AGTPBP1: variants seen among roughly 807,000 people sequenced by gnomAD.
AGTPBP1 encodes ATP/GTP binding carboxypeptidase 1.
In AGTPBP1, 70 loss-of-function variants were observed where a neutral mutation model predicts 143.9. The observed-to-expected ratio is 0.49, with a 90% CI of 0.40 to 0.59. The LOEUF is 0.59. AGTPBP1 is among the 20% of genes least tolerant of loss of function. AGTPBP1 has a pLI of 0.00. For missense variants in AGTPBP1, 1,229 were observed against 1,464.5 expected (o/e 0.84, Z 2.62); for synonymous variants, 463 against 500.2 (o/e 0.93, Z 0.99).
At chr9:85,561,583 C>T (rs538672614) in intron 25 of AGTPBP1, among the ~76,000 whole-genome samples, 1 of 151,730 alleles carries the variant, frequency 6.6e-6, no homozygotes, top group Admixed American at 6.6e-5. Flanking sequence ...TAGCAGTGTT[C>T]TTTGGGAAAA....
At chr9:85,634,894 A>G (rs1831935047) in intron 13 of AGTPBP1, among the ~76,000 whole-genome samples, 1 of 152,216 alleles carries the variant, frequency 6.6e-6, no homozygotes, top group East Asian at 1.9e-4. Context: ...CAGTAACTAT[A>G]CATAAGAGTA....
At chr9:85,774,051 T>C in the AGTPBP1 span, 3 of 1,523,482 alleles carry the variant, frequency 2.0e-6, no homozygotes, top group East Asian at 4.5e-5. Context: ...CTTCCCCTTT[T>C]GACAGTTATG....
At chr9:85,785,810 G>A in the AGTPBP1 span, 1 of 192,366 alleles carries the variant, frequency 5.2e-6, no homozygotes, top group Non-Finnish European at 1.1e-5. Flanking sequence ...GGCACCAGAG[G>A]TGCCCAAAGC....
At chr9:85,651,148 C>T (rs558265194) in intron 11 of AGTPBP1, among the ~76,000 whole-genome samples, 2 of 152,094 alleles carry the variant, frequency 1.3e-5, no homozygotes, top group Non-Finnish European at 2.9e-5. Context: ...CCTTGCTTAG[C>T]CTTTAGTGCT....
intron 3 of AGTPBP1, among the ~76,000 whole-genome samples, chr9:85,686,152 T>G (rs560178192): frequency 6.4e-4 from 97 of 151,332 alleles, no homozygotes; most frequent in African/African-American, 2.3e-3. Flanking sequence ...AATTAAACAC[T>G]CAGACTGTCA....
At chr9:85,776,005 C>G in the AGTPBP1 span, among the ~76,000 whole-genome samples, 4 of 152,178 alleles carry the variant, frequency 2.6e-5, no homozygotes, top group South Asian at 8.3e-4. Context: ...CCCTTGTCAA[C>G]TTGAACTCAT....
At chr9:85,702,553 C>G (rs183435304) in intron 2 of AGTPBP1, among the ~76,000 whole-genome samples, 13 of 151,040 alleles carry the variant, frequency 8.6e-5, no homozygotes, top group African/African-American at 3.2e-4. Context: ...ACAGAGGTAA[C>G]TACATCATCA....
At chr9:85,769,564 C>T in the AGTPBP1 span, among the ~76,000 whole-genome samples, 2 of 150,956 alleles carry the variant, frequency 1.3e-5, no homozygotes, top group African/African-American at 2.4e-5. Context: ...TGTAGGTTTT[C>T]CTACAGGGAT....
intron 9 of AGTPBP1, among the ~76,000 whole-genome samples, chr9:85,658,830 A>C (rs1017264740): frequency 6.6e-6 from 1 of 152,164 alleles, no homozygotes; most frequent in African/African-American, 2.4e-5. Context: ...AAGGCTTTAA[A>C]CCCAGTATTG....
intron 25 of AGTPBP1, among the ~76,000 whole-genome samples, chr9:85,573,967 G>A (rs12348683): frequency 1.3e-5 from 2 of 152,256 alleles, no homozygotes; most frequent in Non-Finnish European, 2.9e-5. Context: ...CGTCTGGGAG[G>A]TGTACCCAGC....
At chr9:85,601,599 T>C (rs1247435614) in intron 17 of AGTPBP1, among the ~76,000 whole-genome samples, 1 of 152,076 alleles carries the variant, frequency 6.6e-6, no homozygotes, top group Non-Finnish European at 1.5e-5. Flanking sequence ...ACAGACTGCT[T>C]AGGAGGCAGA....
intron 7 of AGTPBP1, 46 bp downstream of exon 7, chr9:85,672,504 G>A: frequency 6.4e-7 from 1 of 1,570,948 alleles, no homozygotes; most frequent in South Asian, 1.2e-5. Context: ...TTCTTTTTGT[G>A]TAACTTTACA....
chr9:85,752,685 C>T, the AGTPBP1 span, among the ~76,000 whole-genome samples: 1 of 152,132 alleles, frequency 6.6e-6, no homozygotes, highest in African/African-American at 2.4e-5. Context: ...CTGTGTACCT[C>T]ACGAATATGT....
rs750297299 is a variant in AGTPBP1, at chr9:85,669,595, G to A, written c.569-17C>T. 2 of 1,566,936 alleles carry A rather than the reference G, an allele frequency of 1.3e-6. No homozygotes were observed. The highest frequency in any genetic ancestry group is 1.8e-6 in the Non-Finnish European group (2 of 1,139,240). ...AATTCACAGCTGAGAGGGGGAGAAA[G>A]AGATGCAAAATTATTTTAAGGTTTG... is the stretch of plus-strand genomic sequence containing the variant. On this transcript the variant is annotated splice_polypyrimidine_tract_variant and intron_variant, in intron 7 of 25. Transcript: ENST00000357081.
At chr9:85,668,966 CATGTGTGT>C (rs1564124576) in intron 8 of AGTPBP1, among the ~76,000 whole-genome samples, 2 of 67,572 alleles carry the variant, frequency 3.0e-5, no homozygotes, top group South Asian at 5.1e-4. Context: ...TACATACATA[CATGTGTGT>C]GTGTGTGTGT....
the AGTPBP1 span, chr9:85,770,534 C>T: frequency 2.9e-4 from 292 of 1,008,934 alleles, 1 homozygote; most frequent in East Asian, 6.5e-3. Context: ...AAAGATGGGT[C>T]AAGATGCATA....
Position 85,695,891 on chromosome 9 carries a change from G to A in AGTPBP1, c.33-3078C>T, listed in dbSNP as rs565697306. Among the ~76,000 whole-genome samples, 3 of 151,738 alleles carry A rather than the reference G, an allele frequency of 2.0e-5. No individual in the cohort carries two copies. The South Asian group carries it at 6.2e-4, about 32-fold the overall frequency. On this transcript the variant is annotated intron_variant, in intron 2 of 25. Transcript: ENST00000357081. ...GAGTCTCGCGCTGTTGCCCAGGCTG[G>A]AGTACAGTGGCGCAATCTCGGCTCA...
At chr9:85,764,925 A>G in the AGTPBP1 span, 14 of 1,015,066 alleles carry the variant, frequency 1.4e-5, no homozygotes, top group South Asian at 1.8e-4. Flanking sequence ...TATCACCTGA[A>G]GTAAGTCAGT....
intron 17 of AGTPBP1, among the ~76,000 whole-genome samples, chr9:85,617,860 A>C (rs1428836984): frequency 6.6e-6 from 1 of 152,190 alleles, no homozygotes; most frequent in Non-Finnish European, 1.5e-5. Flanking sequence ...ACTTAGAAGA[A>C]ATGGACCAAT....
Sources: gnomAD v4.1 joint callset for allele counts (sites outside exome capture counted in the v4.1 genomes callset) on GRCh38, gnomAD v4.1.1 for gene constraint, MANE v1.5 for transcripts, NCBI Gene and HGNC (gene_info 2026-07-23, HGNC 2026-07-21) for gene names.